RBFOX1: variants seen among roughly 807,000 people sequenced by gnomAD.
RBFOX1 encodes RNA binding protein fox-1 homolog 1.
A neutral mutation model predicts 57.7 loss-of-function variants in RBFOX1; 8 were observed. The observed-to-expected ratio is 0.14, with a 90% CI of 0.08 to 0.25. The LOEUF (loss-of-function observed/expected upper bound fraction) is 0.25, where lower values mean the gene tolerates loss of function less well. Ranked by LOEUF, RBFOX1 falls within the 10% of genes least tolerant of loss-of-function variation. The pLI, the probability that RBFOX1 is intolerant of heterozygous loss-of-function variation, is 1.00. For synonymous variants in RBFOX1, 326 were observed against 222.4 expected (o/e 1.47, Z -4.15); for missense variants, 611 against 548.5 (o/e 1.11, Z -1.14).
chr16:6,743,307 T>C (rs139232718), intron 3 of RBFOX1, among the ~76,000 whole-genome samples: 3 of 152,188 alleles, frequency 2.0e-5, no homozygotes, highest in African/African-American at 7.2e-5. Flanking sequence ...AGGTTATAGG[T>C]TTAAACCTAA....
intron 3 of RBFOX1, among the ~76,000 whole-genome samples, chr16:5,807,056 G>C (rs1443041651): frequency 6.6e-6 from 1 of 152,180 alleles, no homozygotes; most frequent in Non-Finnish European, 1.5e-5. Flanking sequence ...GGCTGAGCCT[G>C]GCCCAGTGGG....
intron 1 of RBFOX1, among the ~76,000 whole-genome samples, chr16:6,120,083 T>C (rs780985633): frequency 3.9e-5 from 6 of 152,216 alleles, no homozygotes; most frequent in Non-Finnish European, 8.8e-5. Flanking sequence ...ATAGAGTTTT[T>C]TTGAAGTTGA....
intron 4 of RBFOX1, among the ~76,000 whole-genome samples, chr16:7,192,920 A>C (rs886303234): frequency 6.6e-6 from 1 of 152,224 alleles, no homozygotes; most frequent in African/African-American, 2.4e-5. Flanking sequence ...TCTGAGAACA[A>C]TGTAAAAAGC....
intron 4 of RBFOX1, among the ~76,000 whole-genome samples, chr16:5,915,641 G>C (rs996285937): frequency 6.6e-6 from 1 of 152,056 alleles, no homozygotes; most frequent in African/African-American, 2.4e-5. Flanking sequence ...AGACCAGCCT[G>C]GCCAATATGG....
chr16:6,858,859 A>C (rs957520677), intron 3 of RBFOX1, among the ~76,000 whole-genome samples: 1 of 151,774 alleles, frequency 6.6e-6, no homozygotes, highest in African/African-American at 2.4e-5. Context: ...CAAAACTCAG[A>C]CTCGTAGCTA....
chr16:6,393,349 G>T (rs1368987857), intron 2 of RBFOX1, among the ~76,000 whole-genome samples: 1 of 152,198 alleles, frequency 6.6e-6, no homozygotes, highest in Non-Finnish European at 1.5e-5. Flanking sequence ...ACAGTCACCT[G>T]TGGAGCTTAG....
intron 9 of RBFOX1, among the ~76,000 whole-genome samples, chr16:7,606,313 G>A (rs184284942): frequency 1.3e-3 from 190 of 151,294 alleles, no homozygotes; most frequent in African/African-American, 4.1e-3. Context: ...AGTAGAGATG[G>A]GGTTTCACTA....
intron 11 of RBFOX1, among the ~76,000 whole-genome samples, chr16:7,652,565 G>A (rs976208426): frequency 1.3e-5 from 2 of 152,092 alleles, no homozygotes; most frequent in South Asian, 4.2e-4. Context: ...GCGCCACCAC[G>A]CCTGACCAAT....
At chr16:7,393,577 G>A (rs1320687563) in intron 4 of RBFOX1, among the ~76,000 whole-genome samples, 1 of 152,150 alleles carries the variant, frequency 6.6e-6, no homozygotes, top group Non-Finnish European at 1.5e-5. Flanking sequence ...GCTATAGGGG[G>A]TGGTGGTAAT....
At chr16:5,778,084 T>G (rs553203857) in intron 3 of RBFOX1, among the ~76,000 whole-genome samples, 28 of 152,182 alleles carry the variant, frequency 1.8e-4, no homozygotes, top group Middle Eastern at 3.4e-3. Context: ...GGTTCCAAGG[T>G]GGATCCTCAT....
At chr16:7,028,593 C>G (rs2041682126) in intron 3 of RBFOX1, among the ~76,000 whole-genome samples, 1 of 23,576 alleles carries the variant, frequency 4.2e-5, no homozygotes, top group Non-Finnish European at 7.8e-5. Context: ...CTCACACACA[C>G]ACACACACAC....
Position 7,136,008 on chromosome 16 carries a change from G to C in RBFOX1, c.27+83910G>C, listed in dbSNP as rs116733081. On this transcript the variant is annotated intron_variant, in intron 4 of 15. Transcript: ENST00000550418. ...CTAGGTGCTCTTCCTGTAAAGCACA[G>C]TGCTGCTCATTGAAGCCTGAAGGAG... is the stretch of plus-strand genomic sequence containing the variant. Among the ~76,000 whole-genome samples the C allele has an allele frequency of 4.2e-3, 636 of 152,350 alleles. 6 individuals are homozygous for C. Among genetic ancestry groups the C allele is most frequent in the African/African-American group, 0.015 (608 of 41,580 alleles).
intron 3 of RBFOX1, among the ~76,000 whole-genome samples, chr16:6,859,140 CGTATATATATAT>C (rs1438591836): frequency 0.036 from 3,244 of 91,312 alleles, 305 homozygotes; most frequent in East Asian, 0.21. Context: ...CATATATATA[CGTATATATATAT>C]GTATATATAT....
intron 4 of RBFOX1, among the ~76,000 whole-genome samples, chr16:7,345,370 G>A (rs146745986): frequency 2.0e-5 from 3 of 152,284 alleles, no homozygotes; most frequent in Non-Finnish European, 4.4e-5. Flanking sequence ...TGGACCGTCC[G>A]ATGACCATCT....
intron 3 of RBFOX1, among the ~76,000 whole-genome samples, chr16:5,730,082 A>C (rs558014829): frequency 6.6e-6 from 1 of 152,284 alleles, no homozygotes; most frequent in East Asian, 1.9e-4. Flanking sequence ...AGAGGACCCA[A>C]ATTAAACTCA....
intron 1 of RBFOX1, among the ~76,000 whole-genome samples, chr16:6,219,009 G>A (rs2097354490): frequency 6.6e-6 from 1 of 152,182 alleles, no homozygotes; most frequent in African/African-American, 2.4e-5. Flanking sequence ...ATTAGAGGCT[G>A]TTAGGTGACT....
intron 4 of RBFOX1, among the ~76,000 whole-genome samples, chr16:7,106,021 C>G (rs1170193194): frequency 6.6e-6 from 1 of 152,160 alleles, no homozygotes; most frequent in African/African-American, 2.4e-5. Context: ...TACAGCACAA[C>G]TCTCTGGTGT....
At chr16:6,931,338 TCTAC>T (rs1567942134) in intron 3 of RBFOX1, among the ~76,000 whole-genome samples, 79 of 131,262 alleles carry the variant, frequency 6.0e-4, no homozygotes, top group Non-Finnish European at 8.5e-4. Flanking sequence ...TCTATCTATC[TCTAC>T]ACACACACAC....
At chr16:5,814,141 T>A (rs935396673) in intron 3 of RBFOX1, among the ~76,000 whole-genome samples, 2 of 152,122 alleles carry the variant, frequency 1.3e-5, no homozygotes, top group African/African-American at 4.8e-5. Context: ...CTCTCCAAAA[T>A]CCTGCAGAGA....
Sources: gnomAD v4.1 joint callset for allele counts (sites outside exome capture counted in the v4.1 genomes callset) on GRCh38, gnomAD v4.1.1 for gene constraint, MANE v1.5 for transcripts, NCBI Gene and HGNC (gene_info 2026-07-23, HGNC 2026-07-21) for gene names.